RNF24: variants seen among roughly 807,000 people sequenced by gnomAD.
RNF24 encodes the protein ring finger protein 24.
In RNF24, 14 loss-of-function variants were observed where a neutral mutation model predicts 20.0. The observed-to-expected ratio is 0.70, with a 90% confidence interval of 0.46 to 1.10. RNF24 has a LOEUF of 1.10. RNF24 is among the 50% of genes least tolerant of loss of function. The probability of loss-of-function intolerance (pLI) is 0.00; values close to 1 mark genes in which losing one functional copy is unlikely to be tolerated. For missense variants in RNF24, 124 were observed against 177.6 expected (o/e 0.70, Z 1.71); for synonymous variants, 45 against 61.1 (o/e 0.74, Z 1.23).
At chr20:3,999,515 G>GCC (rs1981207746) in intron 1 of RNF24, among the ~76,000 whole-genome samples, 1 of 152,196 alleles carries the variant, frequency 6.6e-6, no homozygotes, top group Non-Finnish European at 1.5e-5. Context: ...AGCACATTGG[G>GCC]AGGCCGAGGC....
intron 1 of RNF24, among the ~76,000 whole-genome samples, chr20:3,972,850 C>T (rs112562301): frequency 0.014 from 2,088 of 151,958 alleles, 24 homozygotes; most frequent in Non-Finnish European, 0.023. Flanking sequence ...TTGCAGTGAG[C>T]CGAGATCGCG....
chr20:3,933,380 G>A lies in RNF24; in HGVS notation c.*683C>T, dbSNP rs144550917. On this transcript the variant is annotated 3_prime_UTR_variant, in exon 6 of 6. Transcript: ENST00000358395. Reference sequence around the variant, plus strand: ...CCCACTCCCTGCTGGGGCTCTGGACGGGCCTTACTGGTGCATAGGAGAGGG... The same window carrying A: ...CCCACTCCCTGCTGGGGCTCTGGACAGGCCTTACTGGTGCATAGGAGAGGG... The A allele has an allele frequency of 9.4e-5, 37 of 395,258 alleles. No individual in the cohort carries two copies. The highest frequency in any genetic ancestry group is 1.3e-4 in the Non-Finnish European group (29 of 224,572). The allele number at this position is 395,258 out of a possible 1,614,324, so 24.5% of individuals were successfully genotyped here.
Position 3,992,753 on chromosome 20 carries a change from A to G in RNF24, c.-8+22684T>C, listed in dbSNP as rs900008633. Among the ~76,000 whole-genome samples, 4 of 152,250 alleles carry G rather than the reference A, an allele frequency of 2.6e-5. No individual in the cohort carries two copies. In the South Asian group the frequency reaches 8.3e-4, roughly 32 times the overall value. On this transcript the variant is annotated intron_variant, in intron 1 of 5. Coordinates refer to ENST00000358395, the MANE Select transcript of RNF24 (RefSeq NM_001134337.3). Reference sequence around the variant, plus strand: ...TTTCATGGAAACTGACAGATTTGGGATTTTCATATTTGAAATTCTCTTCCT... The same window carrying G: ...TTTCATGGAAACTGACAGATTTGGGGTTTTCATATTTGAAATTCTCTTCCT...
rs1438034599 is a variant in RNF24, at chr20:3,963,969, A to G, written c.49T>C (p.Phe17Leu). 3 of 1,613,568 alleles carry G rather than the reference A, an allele frequency of 1.9e-6. No homozygotes were observed. The highest frequency in any genetic ancestry group is 2.5e-6 in the Non-Finnish European group (3 of 1,179,558). ...TATATGTTGAGAGGCAGATTCTGGA[A>G]TCCAATATTAGGCATCCTGAAGTTG... ...HYNFRMPNIGFQNLPLNIYIV... is the reference protein window; with the variant it reads ...HYNFRMPNIGLQNLPLNIYIV... Residue 17 changes from phenylalanine (F) to leucine (L), a missense_variant, in exon 2 of 6, where the codon TTC (phenylalanine) becomes CTC (leucine). Physicochemically the swap from Phe to Leu is conservative, Grantham distance 22. Coordinates refer to ENST00000358395, the MANE Select transcript of RNF24 (RefSeq NM_001134337.3).
intron 1 of RNF24, among the ~76,000 whole-genome samples, chr20:3,976,673 A>G (rs1014544658): frequency 6.6e-6 from 1 of 152,240 alleles, no homozygotes; most frequent in South Asian, 2.1e-4. Context: ...AGGTATGCAC[A>G]TCGTCAAATG....
intron 1 of RNF24, 87 bp from the exon 2 acceptor site, chr20:3,964,111 TG>T: frequency 5.6e-6 from 6 of 1,078,472 alleles, no homozygotes; most frequent in Non-Finnish European, 8.0e-6. Flanking sequence ...AGAGGCACAA[TG>T]ACCTCATCTG....
intron 2 of RNF24, among the ~76,000 whole-genome samples, chr20:3,953,596 C>T (rs2091107578): frequency 6.6e-6 from 1 of 151,534 alleles, no homozygotes; most frequent in Admixed American, 6.6e-5. Flanking sequence ...TCCCATGTAG[C>T]TGGGATTACA....
intron 1 of RNF24, among the ~76,000 whole-genome samples, chr20:3,990,742 G>A (rs1233849956): frequency 6.6e-6 from 1 of 151,974 alleles, no homozygotes; most frequent in Non-Finnish European, 1.5e-5. Context: ...TGGGCATGGT[G>A]GCACATGCTT....
In RNF24 at chr20:3,970,610, A is replaced by G. The variant is rs6052202; in HGVS notation, c.-7-6586T>C. On this transcript the variant is annotated intron_variant, in intron 1 of 5. Coordinates refer to ENST00000358395, the MANE Select transcript of RNF24 (RefSeq NM_001134337.3). ...GAACATGCTTGAAACAAGTGAAAAC[A>G]CTGAAATTCTCAGCAAAGAAACAGA... is the stretch of plus-strand genomic sequence containing the variant. Among the ~76,000 whole-genome samples the G allele has an allele frequency of 7.2e-3, 1,098 of 152,342 alleles. 14 individuals carry two copies. Among genetic ancestry groups the G allele is most frequent in the African/African-American group, 0.025 (1,022 of 41,574 alleles).
chr20:4,002,252 G>A (rs980232856), intron 1 of RNF24, among the ~76,000 whole-genome samples: 5 of 152,122 alleles, frequency 3.3e-5, no homozygotes, highest in Non-Finnish European at 5.9e-5. Context: ...CCGGCGTGGT[G>A]GTGGGCGCCT....
At position 3,928,881 on chromosome 20, in the gene RNF24, C is replaced by G. The variant is rs1473493028; in HGVS notation, c.*5182G>C. On this transcript the variant is annotated 3_prime_UTR_variant, in exon 6 of 6. Coordinates refer to ENST00000358395, the MANE Select transcript of RNF24 (RefSeq NM_001134337.3). ...TGTGTGTTTTTTTGAGACGGAGTCTCGCTCTGTTGCCCAGGCTGGAGTGCA... is the reference window on the plus strand; with the variant it reads ...TGTGTGTTTTTTTGAGACGGAGTCTGGCTCTGTTGCCCAGGCTGGAGTGCA... 6.6e-6 allele frequency: 1 copy of G among 150,720 alleles called. No individual in the cohort carries two copies. Among genetic ancestry groups the G allele is most frequent in the African/African-American group, 2.4e-5 (1 of 41,068 alleles). 9.3% of individuals were successfully genotyped at this position (150,720 alleles called of 1,614,324 possible). A position where few individuals can be genotyped will look rare whatever the true frequency, so the allele number is the denominator to read the frequency against.
chr20:3,947,302 G>C (rs923218914), intron 3 of RNF24, among the ~76,000 whole-genome samples: 13 of 152,218 alleles, frequency 8.5e-5, no homozygotes, highest in Non-Finnish European at 1.5e-4. Context: ...TACCCAAGAA[G>C]AAAGCTAAGG....
In RNF24 at chr20:4,002,716, T is replaced by A. The variant is rs182983479; in HGVS notation, c.-8+12721A>T. On this transcript the variant is annotated intron_variant, in intron 1 of 5. Transcript: ENST00000358395. ...CCTCAGATATGACCAGACAGCTATATAATATAGTTTCCTGAAGTAGGTTAT... is the reference window on the plus strand; with the variant it reads ...CCTCAGATATGACCAGACAGCTATAAAATATAGTTTCCTGAAGTAGGTTAT... 2.3e-3 allele frequency among the ~76,000 whole-genome samples: 357 copies of A among 152,332 alleles called. 2 individuals are homozygous for A. Among genetic ancestry groups the A allele is most frequent in the South Asian group, 0.022 (106 of 4,826 alleles).
chr20:3,943,496 C>T (rs1297857833), intron 4 of RNF24, among the ~76,000 whole-genome samples: 2 of 151,998 alleles, frequency 1.3e-5, no homozygotes, highest in Non-Finnish European at 2.9e-5. Flanking sequence ...GCACACAAAT[C>T]AAGAGAATAT....
intron 1 of RNF24, among the ~76,000 whole-genome samples, chr20:3,989,894 T>C (rs1193610195): frequency 1.3e-5 from 2 of 152,184 alleles, no homozygotes; most frequent in Non-Finnish European, 2.9e-5. Context: ...AAATTCTTGT[T>C]ATAAGCCATT....
At chr20:3,972,334 C>A (rs1333041286) in intron 1 of RNF24, among the ~76,000 whole-genome samples, 1 of 152,156 alleles carries the variant, frequency 6.6e-6, no homozygotes, top group Non-Finnish European at 1.5e-5. Context: ...TACCTAGCAA[C>A]AGCAAAATAT....
rs532940264 is a variant in RNF24, at chr20:3,979,587, A to C, written c.-7-15563T>G. ...CTACTCAGGAGGCTGAGGCAGGAGA[A>C]TCCCTTGAACCCAGGAAGCAGAGGT... On this transcript the variant is annotated intron_variant, in intron 1 of 5. Coordinates refer to ENST00000358395, the MANE Select transcript of RNF24 (RefSeq NM_001134337.3). Among the ~76,000 whole-genome samples the C allele has an allele frequency of 3.3e-5, 5 of 152,320 alleles. No homozygotes were observed. The South Asian group carries it at 8.3e-4, about 25-fold the overall frequency.
intron 1 of RNF24, among the ~76,000 whole-genome samples, chr20:3,999,091 CA>C (rs891035319): frequency 1.7e-4 from 26 of 151,870 alleles, no homozygotes; most frequent in African/African-American, 2.4e-5. Flanking sequence ...AAAAACAAAA[CA>C]AAACAAAAAA....
At chr20:4,002,822 A>C (rs1391273748) in intron 1 of RNF24, among the ~76,000 whole-genome samples, 1 of 152,192 alleles carries the variant, frequency 6.6e-6, no homozygotes, top group African/African-American at 2.4e-5. Flanking sequence ...GCAGCTGTCC[A>C]TTTACTCCCC....
Sources: allele counts gnomAD v4.1 joint callset (sites outside exome capture counted in the v4.1 genomes callset), GRCh38; gene constraint gnomAD v4.1.1; transcripts MANE v1.5; gene names NCBI Gene and HGNC (gene_info 2026-07-23, HGNC 2026-07-21).